The following GRIK1 variants were observed in gnomAD, a reference collection of about 807,000 sequenced individuals.
GRIK1 encodes glutamate ionotropic receptor kainate type subunit 1, also known as glutamate receptor ionotropic, kainate 1.
In GRIK1, 69 loss-of-function variants were observed where a neutral mutation model predicts 105.7. That is an observed-to-expected ratio of 0.65 (90% confidence interval 0.54 to 0.80). GRIK1 has a LOEUF of 0.80. Among genes scored for constraint, GRIK1 ranks in the 30% least tolerant of loss-of-function variants. GRIK1 has a pLI of 0.00. For missense variants in GRIK1, 1,109 were observed against 1,167.3 expected, an observed-to-expected ratio of 0.95 and a Z score of 0.73; for synonymous variants, 438 against 431.3, an observed-to-expected ratio of 1.02 and a Z score of -0.19.
chr21:29,608,491 A>G (rs1417512688), intron 7 of GRIK1, among the ~76,000 whole-genome samples: 4 of 152,256 alleles, frequency 2.6e-5, no homozygotes, highest in East Asian at 1.9e-4. Flanking sequence ...TAAGATAGAT[A>G]TTTTAAGTTT....
At chr21:29,805,067 T>A (rs947121333) in intron 1 of GRIK1, among the ~76,000 whole-genome samples, 4 of 152,104 alleles carry the variant, frequency 2.6e-5, no homozygotes, top group Non-Finnish European at 5.9e-5. Context: ...GTTTCTAGAT[T>A]TTGTGGGGAT....
chr21:29,932,138 C>T (rs2071587806), intron 1 of GRIK1, among the ~76,000 whole-genome samples: 1 of 152,082 alleles, frequency 6.6e-6, no homozygotes, highest in Admixed American at 6.5e-5. Context: ...GTTTGCTTTG[C>T]CAGGATACTA....
chr21:29,886,985 A>G (rs2146203933), intron 1 of GRIK1, among the ~76,000 whole-genome samples: 1 of 152,314 alleles, frequency 6.6e-6, no homozygotes, highest in Non-Finnish European at 1.5e-5. Flanking sequence ...GGGGATGATT[A>G]AGGCATAGCT....
At chr21:29,832,958 A>G (rs1397389408) in intron 1 of GRIK1, among the ~76,000 whole-genome samples, 4 of 125,656 alleles carry the variant, frequency 3.2e-5, no homozygotes, top group South Asian at 6.1e-4. Flanking sequence ...GCTCACAAAG[A>G]CAAACATAGG....
rs1195447563 is a variant in GRIK1 at position 29,827,484 on chromosome 21, AG to A, written c.118+111898del. ...TTTATGAAGCTGTATGGCACTCATA[AG>A]TCCAGATTTGATATAATGTTCAGCC... is the stretch of plus-strand genomic sequence containing the variant. On this transcript the variant is annotated intron_variant, in intron 1 of 17. Transcript: ENST00000327783. Among the ~76,000 whole-genome samples the A allele has an allele frequency of 2.0e-5, 3 of 152,254 alleles. No homozygotes were observed. The East Asian group carries it at 5.8e-4, about 29-fold the overall frequency.
intron 1 of GRIK1, among the ~76,000 whole-genome samples, chr21:29,859,315 A>G (rs1246003229): frequency 6.6e-6 from 1 of 152,032 alleles, no homozygotes; most frequent in Non-Finnish European, 1.5e-5. Context: ...TATATATGTA[A>G]CTAACCTGCA....
intron 1 of GRIK1, among the ~76,000 whole-genome samples, chr21:29,821,480 C>A (rs1011801339): frequency 2.0e-5 from 3 of 152,006 alleles, no homozygotes; most frequent in Non-Finnish European, 4.4e-5. Flanking sequence ...CAGTATTGCA[C>A]TAAACAGGAT....
At chr21:29,714,115 G>C (rs947863686) in intron 1 of GRIK1, among the ~76,000 whole-genome samples, 2 of 151,990 alleles carry the variant, frequency 1.3e-5, no homozygotes, top group African/African-American at 4.8e-5. Flanking sequence ...TTTTAAGCAG[G>C]TTATTCTATA....
At chr21:29,707,773 C>T (rs1401458239) in intron 1 of GRIK1, among the ~76,000 whole-genome samples, 4 of 152,056 alleles carry the variant, frequency 2.6e-5, no homozygotes, top group East Asian at 1.9e-4. Context: ...TAAACCACCG[C>T]GCCTGGCCTG....
intron 1 of GRIK1, among the ~76,000 whole-genome samples, chr21:29,818,345 A>G (rs1484183566): frequency 6.6e-6 from 1 of 152,084 alleles, no homozygotes; most frequent in Non-Finnish European, 1.5e-5. Flanking sequence ...AATGATGTAC[A>G]TTCTCACGAA....
chr21:29,869,033 G>T (rs189254682), intron 1 of GRIK1, among the ~76,000 whole-genome samples: 1 of 152,332 alleles, frequency 6.6e-6, no homozygotes, highest in East Asian at 1.9e-4. Flanking sequence ...TTCATCACCT[G>T]TGTGGGCAGC....
chr21:29,774,098 C>G (rs1470574325), intron 1 of GRIK1, among the ~76,000 whole-genome samples: 1 of 152,154 alleles, frequency 6.6e-6, no homozygotes, highest in African/African-American at 2.4e-5. Flanking sequence ...CATTCATCTT[C>G]CTTCCCTACT....
chr21:29,877,783 G>A (rs1207353187), intron 1 of GRIK1, among the ~76,000 whole-genome samples: 1 of 152,120 alleles, frequency 6.6e-6, no homozygotes, highest in African/African-American at 2.4e-5. Flanking sequence ...ATGAAATCAA[G>A]TGTAAAAGTA....
chr21:29,582,885 C>T (rs1010330002), intron 12 of GRIK1, among the ~76,000 whole-genome samples: 2 of 152,098 alleles, frequency 1.3e-5, no homozygotes, highest in African/African-American at 4.8e-5. Flanking sequence ...CAGCAGTAAA[C>T]AATGGCGGGT....
intron 5 of GRIK1, among the ~76,000 whole-genome samples, chr21:29,652,821 C>G (rs571020227): frequency 6.6e-6 from 1 of 152,334 alleles, no homozygotes; most frequent in East Asian, 1.9e-4. Context: ...CTGATGATTA[C>G]AGGTACTGAA....
intron 1 of GRIK1, among the ~76,000 whole-genome samples, chr21:29,791,316 A>G (rs904551385): frequency 1.8e-4 from 27 of 152,092 alleles, no homozygotes; most frequent in Non-Finnish European, 3.7e-4. Context: ...CCAGGAGAAG[A>G]GGAGGAAAAA....
At chr21:29,911,696 T>C (rs2070823238) in intron 1 of GRIK1, among the ~76,000 whole-genome samples, 1 of 151,854 alleles carries the variant, frequency 6.6e-6, no homozygotes, top group Non-Finnish European at 1.5e-5. Context: ...GATTAGTGCC[T>C]TCATAAAAGG....
intron 7 of GRIK1, among the ~76,000 whole-genome samples, chr21:29,637,271 T>C (rs559197576): frequency 6.6e-6 from 1 of 152,298 alleles, no homozygotes; most frequent in Admixed American, 6.5e-5. Flanking sequence ...ATTAGAAACC[T>C]TCTTCTTTCC....
At chr21:29,785,119 T>G (rs1039216729) in intron 1 of GRIK1, among the ~76,000 whole-genome samples, 1 of 152,180 alleles carries the variant, frequency 6.6e-6, no homozygotes, top group African/African-American at 2.4e-5. Context: ...TTTTAAAATG[T>G]GTGATTATAT....
Sources: allele counts gnomAD v4.1 joint callset (sites outside exome capture counted in the v4.1 genomes callset), GRCh38; gene constraint gnomAD v4.1.1; transcripts MANE v1.5; gene names NCBI Gene and HGNC (gene_info 2026-07-23, HGNC 2026-07-21).